Variants in VPS53 observed in about 807,000 individuals in gnomAD.
VPS53 encodes vacuolar protein sorting-associated protein 53 homolog.
Under a neutral mutation model 107.0 loss-of-function variants are expected in VPS53, and 70 were observed. The ratio of observed to expected loss-of-function variants is 0.65; its 90% confidence interval spans 0.54 to 0.80. VPS53 has a LOEUF of 0.80. Ranked by LOEUF, VPS53 falls within the 30% of genes least tolerant of loss-of-function variation. VPS53 has a pLI of 0.00. For missense variants in VPS53, 917 were observed against 1,049.4 expected (o/e 0.87, Z 1.74); for synonymous variants, 409 against 393.3 (o/e 1.04, Z -0.47).
At chr17:677,571 A>G (rs1022301453) in intron 4 of VPS53, among the ~76,000 whole-genome samples, 1 of 152,132 alleles carries the variant, frequency 6.6e-6, no homozygotes, top group Non-Finnish European at 1.5e-5. Context: ...TGTAATTAAT[A>G]CCACTAATTA....
At chr17:631,685 A>G in intron 7 of VPS53, 57 bp from the exon 8 acceptor site, 1 of 1,527,244 alleles carries the variant, frequency 6.5e-7, no homozygotes, top group South Asian at 1.1e-5. Context: ...GTAACTACAC[A>G]CCGATCCACA....
chr17:564,568 G>A (rs2151855691), intron 13 of VPS53, among the ~76,000 whole-genome samples: 1 of 147,806 alleles, frequency 6.8e-6, no homozygotes, highest in Non-Finnish European at 1.5e-5. Context: ...AAAATTAGCT[G>A]GGGGTGGTGG....
intron 19 of VPS53, among the ~76,000 whole-genome samples, chr17:529,185 C>T (rs182894506): frequency 6.6e-6 from 1 of 152,194 alleles, no homozygotes; most frequent in Non-Finnish European, 1.5e-5. Flanking sequence ...AGTATCTACA[C>T]ATGTGTGGGT....
chr17:581,813 A>G (rs995221732), intron 13 of VPS53, among the ~76,000 whole-genome samples: 1 of 150,374 alleles, frequency 6.7e-6, no homozygotes, highest in Non-Finnish European at 1.5e-5. Flanking sequence ...CTGCGTTCCC[A>G]GAGAACTTCC....
intron 11 of VPS53, among the ~76,000 whole-genome samples, chr17:610,148 C>T (rs1418132891): frequency 7.6e-6 from 1 of 131,840 alleles, no homozygotes; most frequent in Non-Finnish European, 1.6e-5. Context: ...CACACACACA[C>T]ACACACACAC....
chr17:600,285 T>C (rs1298265472), intron 12 of VPS53, among the ~76,000 whole-genome samples: 1 of 152,214 alleles, frequency 6.6e-6, no homozygotes, highest in Non-Finnish European at 1.5e-5. Context: ...GACATGACCA[T>C]GGCAGCTACT....
intron 8 of VPS53, 29 bp from the exon 9 acceptor site, chr17:628,260 A>G: frequency 1.2e-6 from 2 of 1,610,270 alleles, no homozygotes; most frequent in Non-Finnish European, 1.7e-6. Context: ...ACCAGGTGAA[A>G]AGCCAGAAAC....
intron 15 of VPS53, 135 bp from the exon 16 acceptor site, chr17:553,597 A>T (rs1321923055): frequency 6.1e-6 from 4 of 650,712 alleles, no homozygotes; most frequent in Middle Eastern, 4.3e-4. Flanking sequence ...TTTTTTTGAG[A>T]CTCGCTCTTG....
At chr17:545,322 C>A (rs1008421120) in intron 17 of VPS53, among the ~76,000 whole-genome samples, 2 of 152,196 alleles carry the variant, frequency 1.3e-5, no homozygotes, top group African/African-American at 4.8e-5. Flanking sequence ...CTCAGGGCCA[C>A]ACCCCCGCGG....
intron 2 of VPS53, among the ~76,000 whole-genome samples, chr17:708,709 C>G (rs1973512360): frequency 6.6e-6 from 1 of 152,190 alleles, no homozygotes; most frequent in Non-Finnish European, 1.5e-5. Flanking sequence ...AAGGTGCCTT[C>G]AAGCAGCCCT....
At chr17:559,447 T>G (rs144692042) in intron 15 of VPS53, among the ~76,000 whole-genome samples, 329 of 152,032 alleles carry the variant, frequency 2.2e-3, no homozygotes, top group African/African-American at 7.5e-3. Flanking sequence ...ACCTGGGGAG[T>G]GGCCTGGGGC....
At chr17:629,188 C>G (rs905327389) in intron 8 of VPS53, among the ~76,000 whole-genome samples, 2 of 152,156 alleles carry the variant, frequency 1.3e-5, no homozygotes. Flanking sequence ...ATATAAGCTG[C>G]CTGAGACCTG....
At chr17:580,766 T>C (rs1436806234) in intron 13 of VPS53, among the ~76,000 whole-genome samples, 3 of 133,510 alleles carry the variant, frequency 2.2e-5, no homozygotes, top group African/African-American at 8.8e-5. Flanking sequence ...ACCAGAGAAC[T>C]TCCCTTAGGA....
chr17:696,924 C>T (rs1972990893), intron 4 of VPS53, among the ~76,000 whole-genome samples: 1 of 151,536 alleles, frequency 6.6e-6, no homozygotes, highest in Non-Finnish European at 1.5e-5. Context: ...TCCTGAGTAG[C>T]TGGGATTACA....
At chr17:604,062 C>T (rs1166659967) in intron 11 of VPS53, among the ~76,000 whole-genome samples, 1 of 152,158 alleles carries the variant, frequency 6.6e-6, no homozygotes, top group Non-Finnish European at 1.5e-5. Context: ...GTGACAGACA[C>T]AGAATTTGAG....
At chr17:554,235 G>A (rs1482466094) in intron 15 of VPS53, among the ~76,000 whole-genome samples, 1 of 148,850 alleles carries the variant, frequency 6.7e-6, no homozygotes, top group East Asian at 1.9e-4. Flanking sequence ...CAAAAGAAAT[G>A]TGGTCCCTGC....
rs1429986319 is a variant in VPS53, at chr17:572,300, T to C, written c.1314-9555A>G. Among the ~76,000 whole-genome samples the C allele has an allele frequency of 1.1e-3, 141 of 129,760 alleles. 2 individuals carry two copies. Among genetic ancestry groups the C allele is most frequent in the African/African-American group, 4.1e-3 (135 of 32,950 alleles). The allele number at this position is 129,760 out of a possible 152,430, so 85.1% of individuals were successfully genotyped here. A position where few individuals can be genotyped will look rare whatever the true frequency, so the allele number is the denominator to read the frequency against. ...CCATCTGAGAAGGGAGGAGACCCTC[T>C]GCCCGGCAACCGCCCCGTCTGAGAA... On this transcript the variant is annotated intron_variant, in intron 13 of 21. Coordinates refer to ENST00000437048, the MANE Select transcript of VPS53 (RefSeq NM_001128159.3).
At chr17:601,718 C>A in intron 12 of VPS53, 77 bp downstream of exon 12, 2 of 1,140,376 alleles carry the variant, frequency 1.8e-6, no homozygotes, top group Non-Finnish European at 2.5e-6. Flanking sequence ...GCCAAAGGAT[C>A]GTATCTGGAG....
chr17:584,193 G>C (rs1023911300), intron 13 of VPS53, among the ~76,000 whole-genome samples: 1 of 152,200 alleles, frequency 6.6e-6, no homozygotes, highest in Non-Finnish European at 1.5e-5. Context: ...GCGTTCTTTA[G>C]ACTGTGAGGC....
Sources: gnomAD v4.1 joint callset for allele counts (sites outside exome capture counted in the v4.1 genomes callset) on GRCh38, gnomAD v4.1.1 for gene constraint, MANE v1.5 for transcripts, NCBI Gene and HGNC (gene_info 2026-07-23, HGNC 2026-07-21) for gene names.